The following MTMR9 variants were observed in gnomAD, a reference collection of about 807,000 sequenced individuals.
The protein encoded by MTMR9 is myotubularin-related protein 9.
A neutral mutation model predicts 69.5 loss-of-function variants in MTMR9; 39 were observed. That is an observed-to-expected ratio of 0.56 (90% CI 0.43 to 0.73). The LOEUF (loss-of-function observed/expected upper bound fraction) is 0.73. Ranked by LOEUF, MTMR9 falls within the 30% of genes least tolerant of loss-of-function variation. The probability of loss-of-function intolerance (pLI) is 0.00; values close to 1 mark genes in which losing one functional copy is unlikely to be tolerated. For synonymous variants in MTMR9, 354 were observed against 240.8 expected (o/e 1.47, Z -4.35); for missense variants, 900 against 671.2 (o/e 1.34, Z -3.77).
At chr8:11,306,546 ATT>A in intron 5 of MTMR9, 139 bp downstream of exon 5, 1 of 721,776 alleles carries the variant, frequency 1.4e-6, no homozygotes, top group Non-Finnish European at 2.2e-6. Flanking sequence ...CCATCTTCTC[ATT>A]TTTTTTTGGT....
intron 7 of MTMR9, chr8:11,315,774 TAA>T (rs1336995368): frequency 6.6e-6 from 1 of 152,304 alleles, no homozygotes; most frequent in African/African-American, 2.4e-5. Flanking sequence ...CAGACCATAC[TAA>T]GTTTATGCTC....
chr8:11,285,198 C>T (rs1289736606), intron 1 of MTMR9, 128 bp downstream of exon 1: 3 of 938,658 alleles, frequency 3.2e-6, no homozygotes, highest in Admixed American at 3.1e-5. Flanking sequence ...CCCTCTGTGG[C>T]CTAGAATCAG....
At chr8:11,286,134 A>G (rs1585102081) in intron 1 of MTMR9, among the ~76,000 whole-genome samples, 1 of 151,120 alleles carries the variant, frequency 6.6e-6, no homozygotes, top group African/African-American at 2.4e-5. Flanking sequence ...TGTATTTTTT[A>G]GTAGAGATGG....
At chr8:11,321,339 A>G (rs1286740071) in intron 9 of MTMR9, 2 of 450,880 alleles carry the variant, frequency 4.4e-6, no homozygotes, top group African/African-American at 2.0e-5. Context: ...CTCTTAAACG[A>G]GAGGTTACAG....
chr8:11,308,864 A>G (rs1440801071), intron 5 of MTMR9, among the ~76,000 whole-genome samples: 1 of 152,148 alleles, frequency 6.6e-6, no homozygotes, highest in Middle Eastern at 3.2e-3. Context: ...CCCTTTCACT[A>G]GCATTCTTTC....
chr8:11,303,453 A>G (rs1038985893), intron 3 of MTMR9, among the ~76,000 whole-genome samples: 2 of 152,074 alleles, frequency 1.3e-5, no homozygotes, highest in Non-Finnish European at 2.9e-5. Context: ...GGGAAAGCAA[A>G]TTGGGATGGG....
chr8:11,288,708 C>T (rs775129414), intron 1 of MTMR9, among the ~76,000 whole-genome samples: 23 of 152,178 alleles, frequency 1.5e-4, no homozygotes, highest in Admixed American at 5.2e-4. Context: ...CGTGGAGGGC[C>T]TGCAGGCCAC....
At chr8:11,304,792 T>G (rs1239067653) in intron 3 of MTMR9, 49 bp from the exon 4 acceptor site, 10 of 1,572,056 alleles carry the variant, frequency 6.4e-6, no homozygotes, top group Non-Finnish European at 8.7e-6. Context: ...CAGATTATTT[T>G]GCGACATTGA....
chr8:11,296,954 A>G (rs2117376615), intron 2 of MTMR9, among the ~76,000 whole-genome samples: 1 of 152,290 alleles, frequency 6.6e-6, no homozygotes, highest in South Asian at 2.1e-4. Flanking sequence ...GTTAGTTTAA[A>G]TGGAAGAGCT....
intron 1 of MTMR9, among the ~76,000 whole-genome samples, chr8:11,292,889 A>G (rs1343172264): frequency 6.6e-6 from 1 of 152,186 alleles, no homozygotes; most frequent in East Asian, 1.9e-4. Context: ...AGCACATACC[A>G]TTGCATACAT....
the MTMR9 span, among the ~76,000 whole-genome samples, chr8:11,334,644 A>G: frequency 2.0e-5 from 3 of 152,170 alleles, no homozygotes; most frequent in African/African-American, 7.2e-5. Context: ...AAGAAGTAAC[A>G]AAACAGCAGA....
chr8:11,296,411 A>C (rs1799565200), intron 2 of MTMR9, among the ~76,000 whole-genome samples: 1 of 152,198 alleles, frequency 6.6e-6, no homozygotes, highest in Non-Finnish European at 1.5e-5. Flanking sequence ...TGTGGTTAGA[A>C]AACACTTAAC....
chr8:11,309,725 C>T (rs746617309), intron 6 of MTMR9, 37 bp downstream of exon 6: 138 of 1,602,790 alleles, frequency 8.6e-5, no homozygotes, highest in Non-Finnish European at 1.1e-4. Context: ...CGAAACATGG[C>T]GCTGCTAACT....
chr8:11,336,469 C>T, the MTMR9 span, among the ~76,000 whole-genome samples: 1 of 152,222 alleles, frequency 6.6e-6, no homozygotes, highest in Non-Finnish European at 1.5e-5. Context: ...TCTTCACACT[C>T]TATGCCCAGT....
chr8:11,335,992 C>G, the MTMR9 span, among the ~76,000 whole-genome samples: 1 of 152,194 alleles, frequency 6.6e-6, no homozygotes, highest in Non-Finnish European at 1.5e-5. Flanking sequence ...TAGTGAATAA[C>G]ATTCTATCCT....
At chr8:11,297,122 A>G (rs190675588) in intron 2 of MTMR9, among the ~76,000 whole-genome samples, 12 of 152,294 alleles carry the variant, frequency 7.9e-5, no homozygotes, top group African/African-American at 2.4e-4. Context: ...CTTTCCGTGT[A>G]TGTGTAACTA....
intron 6 of MTMR9, among the ~76,000 whole-genome samples, chr8:11,310,779 A>G (rs1380503872): frequency 6.6e-6 from 1 of 151,506 alleles, no homozygotes. Context: ...TTTTTTTATG[A>G]AACAGGAATT....
intron 6 of MTMR9, among the ~76,000 whole-genome samples, chr8:11,313,899 A>C (rs1277281595): frequency 6.6e-6 from 1 of 152,240 alleles, no homozygotes; most frequent in East Asian, 1.9e-4. Context: ...ATGCTGTTGG[A>C]AAATGGGTGC....
chr8:11,290,855 C>T (rs1473646407), intron 1 of MTMR9, among the ~76,000 whole-genome samples: 4 of 150,604 alleles, frequency 2.7e-5, no homozygotes, highest in Non-Finnish European at 4.4e-5. Context: ...GCTAGTTGCC[C>T]CGCTTTCGTT....
Sources: allele counts gnomAD v4.1 joint callset (sites outside exome capture counted in the v4.1 genomes callset), GRCh38; gene constraint gnomAD v4.1.1; transcripts MANE v1.5; gene names NCBI Gene and HGNC (gene_info 2026-07-23, HGNC 2026-07-21).